The following RBFOX1 variants were observed in gnomAD, a reference collection of about 807,000 sequenced individuals.
RBFOX1 encodes the protein RNA binding fox-1 homolog 1.
In RBFOX1, 8 loss-of-function variants were observed where a neutral mutation model predicts 57.7. That is an observed-to-expected ratio of 0.14 (90% CI 0.08 to 0.25). The LOEUF (loss-of-function observed/expected upper bound fraction) is 0.25, where lower values mean the gene tolerates loss of function less well. RBFOX1 is among the 10% of genes least tolerant of loss of function. RBFOX1 has a pLI of 1.00. For missense variants in RBFOX1, 611 were observed against 548.5 expected (o/e 1.11, Z -1.14); for synonymous variants, 326 against 222.4 (o/e 1.47, Z -4.15).
At chr16:7,192,555 C>G (rs979611980) in intron 4 of RBFOX1, among the ~76,000 whole-genome samples, 7 of 152,130 alleles carry the variant, frequency 4.6e-5, no homozygotes, top group African/African-American at 1.4e-4. Flanking sequence ...AGACAAATAA[C>G]AGCAAAATAC....
chr16:7,345,568 A>G (rs905220653), intron 4 of RBFOX1, among the ~76,000 whole-genome samples: 19 of 152,284 alleles, frequency 1.2e-4, no homozygotes, highest in Non-Finnish European at 1.8e-4. Context: ...GTGGGCGCCC[A>G]GCAGATGTTG....
At chr16:5,600,668 G>A (rs73523702), downstream of RBFOX1, among the ~76,000 whole-genome samples, 1,812 of 152,048 alleles carry the variant, frequency 0.012, 36 homozygotes, top group African/African-American at 0.041. Flanking sequence ...ACTGCTTGGT[G>A]CTTGTCTATT....
At chr16:7,445,976 C>G (rs1035141089) in intron 4 of RBFOX1, among the ~76,000 whole-genome samples, 5 of 152,300 alleles carry the variant, frequency 3.3e-5, no homozygotes, top group East Asian at 3.9e-4. Context: ...AAGCCCATTT[C>G]AAGAGTCGGG....
chr16:5,384,930 C>G (rs1036324685), intron 1 of RBFOX1, among the ~76,000 whole-genome samples: 24 of 152,180 alleles, frequency 1.6e-4, no homozygotes, highest in African/African-American at 5.3e-4. Flanking sequence ...GTGCCTGGCT[C>G]AGTATGTGGC....
chr16:6,935,813 G>C (rs2077272165), intron 3 of RBFOX1, among the ~76,000 whole-genome samples: 1 of 152,168 alleles, frequency 6.6e-6, no homozygotes, highest in African/African-American at 2.4e-5. Context: ...TGTCTCTAAG[G>C]CATGCCACAG....
At chr16:7,380,960 C>G (rs1373076097) in intron 4 of RBFOX1, among the ~76,000 whole-genome samples, 1 of 152,178 alleles carries the variant, frequency 6.6e-6, no homozygotes, top group African/African-American at 2.4e-5. Flanking sequence ...TTTGAATCTC[C>G]AGAGTTCTCA....
intron 2 of RBFOX1, among the ~76,000 whole-genome samples, chr16:6,552,872 T>G (rs912970008): frequency 2.0e-5 from 3 of 152,120 alleles, no homozygotes; most frequent in Admixed American, 2.0e-4. Flanking sequence ...ATATTCTGTT[T>G]TGTGTTATAC....
At chr16:6,575,624 A>C (rs2097422142) in intron 2 of RBFOX1, among the ~76,000 whole-genome samples, 1 of 152,100 alleles carries the variant, frequency 6.6e-6, no homozygotes, top group Non-Finnish European at 1.5e-5. Flanking sequence ...TTGGGAGGCC[A>C]CGGTGGGCAG....
chr16:5,265,080 A>T (rs567577919), intron 1 of RBFOX1, among the ~76,000 whole-genome samples: 1 of 152,238 alleles, frequency 6.6e-6, no homozygotes, highest in Admixed American at 6.5e-5. Flanking sequence ...TAGCAACCTT[A>T]TGTTGGTTCT....
intron 3 of RBFOX1, among the ~76,000 whole-genome samples, chr16:6,922,667 G>A (rs568072717): frequency 6.6e-6 from 1 of 152,138 alleles, no homozygotes; most frequent in Non-Finnish European, 1.5e-5. Context: ...TGAGGGTGGA[G>A]TAAACTTAGG....
chr16:5,664,161 A>G (rs766867255), intron 3 of RBFOX1, among the ~76,000 whole-genome samples: 1 of 152,210 alleles, frequency 6.6e-6, no homozygotes, highest in African/African-American at 2.4e-5. Flanking sequence ...TCGATTGGCT[A>G]AATTTTAAAT....
chr16:6,647,337 C>G (rs985965212), intron 2 of RBFOX1, among the ~76,000 whole-genome samples: 2 of 152,104 alleles, frequency 1.3e-5, no homozygotes, highest in Non-Finnish European at 2.9e-5. Context: ...CTTCCGCCTC[C>G]TGGGTTGAAA....
At chr16:5,654,223 A>G (rs2049344639) in intron 3 of RBFOX1, among the ~76,000 whole-genome samples, 1 of 152,130 alleles carries the variant, frequency 6.6e-6, no homozygotes, top group African/African-American at 2.4e-5. Flanking sequence ...TCTGTTTGAC[A>G]TGTTGTATAT....
intron 4 of RBFOX1, among the ~76,000 whole-genome samples, chr16:7,336,715 C>G (rs900302289): frequency 6.6e-5 from 10 of 152,164 alleles, no homozygotes; most frequent in Admixed American, 1.3e-4. Context: ...TTTAGGATCT[C>G]AATTTATTTT....
chr16:7,042,645 G>A (rs554692084), intron 3 of RBFOX1, among the ~76,000 whole-genome samples: 62 of 152,340 alleles, frequency 4.1e-4, no homozygotes, highest in African/African-American at 1.4e-3. Flanking sequence ...AGTGATTAAG[G>A]CCAGGTGCAG....
At chr16:5,902,186 C>T (rs2058319711) in intron 4 of RBFOX1, among the ~76,000 whole-genome samples, 1 of 152,150 alleles carries the variant, frequency 6.6e-6, no homozygotes, top group Admixed American at 6.5e-5. Context: ...ATCGCCCTCT[C>T]TCACCCTTAC....
At chr16:6,168,502 A>G (rs1318770423) in intron 1 of RBFOX1, among the ~76,000 whole-genome samples, 1 of 152,234 alleles carries the variant, frequency 6.6e-6, no homozygotes, top group East Asian at 1.9e-4. Context: ...CAATGAGCCT[A>G]TAGCAATTCA....
At chr16:7,404,379 T>C (rs2098299316) in intron 4 of RBFOX1, among the ~76,000 whole-genome samples, 1 of 152,164 alleles carries the variant, frequency 6.6e-6, no homozygotes, top group Admixed American at 6.5e-5. Context: ...TAGTGTCACC[T>C]TGTAGGTCAC....
chr16:7,555,522 A>G (rs1278737088), intron 5 of RBFOX1, among the ~76,000 whole-genome samples: 1 of 152,228 alleles, frequency 6.6e-6, no homozygotes, highest in Non-Finnish European at 1.5e-5. Flanking sequence ...AAGTTATTCA[A>G]AAAGTTAAAA....
Sources: gnomAD v4.1 joint callset for allele counts (sites outside exome capture counted in the v4.1 genomes callset) on GRCh38, gnomAD v4.1.1 for gene constraint, MANE v1.5 for transcripts, NCBI Gene and HGNC (gene_info 2026-07-23, HGNC 2026-07-21) for gene names.